Variants in VTCN1 observed in about 807,000 individuals in gnomAD.
VTCN1 encodes the protein V-set domain-containing T-cell activation inhibitor 1.
In VTCN1, 26 loss-of-function variants were observed where a neutral mutation model predicts 26.5. The ratio of observed to expected loss-of-function variants is 0.98; its 90% CI spans 0.72 to 1.36. The LOEUF (loss-of-function observed/expected upper bound fraction) is 1.36. Ranked by LOEUF, VTCN1 falls within the 40% of genes most tolerant of loss-of-function variation. The probability of loss-of-function intolerance (pLI) is 0.00; values close to 1 mark genes in which losing one functional copy is unlikely to be tolerated. For missense variants in VTCN1, 298 were observed against 337.7 expected, an observed-to-expected ratio of 0.88 and a Z score of 0.92; for synonymous variants, 116 against 130.7, an observed-to-expected ratio of 0.89 and a Z score of 0.77.
In VTCN1 at chr1:117,162,503, T is replaced by C. The variant is rs1445607241; in HGVS notation, c.98-5582A>G. Among the ~76,000 whole-genome samples the C allele has an allele frequency of 2.0e-5, 3 of 152,238 alleles. No homozygotes were observed. In the South Asian group the frequency reaches 6.2e-4, roughly 32 times the overall value. On this transcript the variant is annotated intron_variant, in intron 2 of 5. Coordinates refer to ENST00000369458, the MANE Select transcript of VTCN1 (RefSeq NM_024626.4). Reference sequence around the variant, plus strand: ...CCACCAGAGATTCTTGTGTGACTTGTTGAGTCAAAGGACAAAAGGACCCCA... The same window carrying C: ...CCACCAGAGATTCTTGTGTGACTTGCTGAGTCAAAGGACAAAAGGACCCCA...
intron 1 of VTCN1, among the ~76,000 whole-genome samples, chr1:117,174,545 T>C (rs1051409856): frequency 6.6e-6 from 1 of 152,166 alleles, no homozygotes; most frequent in Non-Finnish European, 1.5e-5. Context: ...GGCGGGCGGA[T>C]TACCTGAGGT....
At chr1:117,157,102 T>TAG in intron 2 of VTCN1, 181 bp from the exon 3 acceptor site, 1 of 679,854 alleles carries the variant, frequency 1.5e-6, no homozygotes, top group Admixed American at 2.9e-5. Context: ...GATATATATA[T>TAG]ATATATATAT....
intron 1 of VTCN1, among the ~76,000 whole-genome samples, chr1:117,189,344 G>GAACTCGT (rs1648123461): frequency 6.6e-6 from 1 of 152,112 alleles, no homozygotes; most frequent in East Asian, 1.9e-4. Flanking sequence ...TTACTCCATT[G>GAACTCGT]AACTCGTAAT....
In VTCN1 at chr1:117,159,901, A is replaced by G. The variant is rs1313023373; in HGVS notation, c.98-2980T>C. On this transcript the variant is annotated intron_variant, in intron 2 of 5. Coordinates refer to ENST00000369458, the MANE Select transcript of VTCN1 (RefSeq NM_024626.4). The surrounding 1 kb of genome is among the most constrained non-coding windows in gnomAD (Gnocchi z 4.7). The stretch of plus-strand genomic sequence containing the variant: ...CCACCCTCTCCTCTACTGACATACC[A>G]CCAGTAGAAATATTAATTATGTGCC... Among the ~76,000 whole-genome samples the G allele has an allele frequency of 6.6e-6, 1 of 152,146 alleles. No homozygotes were observed. The highest frequency in any genetic ancestry group is 1.5e-5 in the Non-Finnish European group (1 of 68,032).
rs149318479 is a variant in VTCN1, at chr1:117,161,236, C to T, written c.98-4315G>A. On this transcript the variant is annotated intron_variant, in intron 2 of 5. Transcript: ENST00000369458. This position sits in a 1 kb window ranked among gnomAD's most constrained non-coding sequence, Gnocchi z 4.3. The stretch of plus-strand genomic sequence containing the variant: ...GTTACTTAGAGAATGATATCCAAGG[C>T]ATCCCAGGCTAGCATGGGTTACACA... Among the ~76,000 whole-genome samples, 41 of 152,362 alleles carry T rather than the reference C, an allele frequency of 2.7e-4. No individual in the cohort carries two copies. Among genetic ancestry groups the T allele is most frequent in the African/African-American group, 9.1e-4 (38 of 41,588 alleles).
At chr1:117,210,562 G>A (rs1649299805) in intron 1 of VTCN1, among the ~76,000 whole-genome samples, 1 of 152,162 alleles carries the variant, frequency 6.6e-6, no homozygotes, top group African/African-American at 2.4e-5. Flanking sequence ...AGTCCAAGCT[G>A]CCCAGCAAGC....
At chr1:117,170,236 C>T in intron 1 of VTCN1, 65 bp from the exon 2 acceptor site, 1 of 1,451,496 alleles carries the variant, frequency 6.9e-7, no homozygotes, top group Non-Finnish European at 9.6e-7. Context: ...TGCTTTGCAA[C>T]TGGGGTACAA....
At chr1:117,200,062 G>C (rs968566907) in intron 1 of VTCN1, among the ~76,000 whole-genome samples, 1 of 152,138 alleles carries the variant, frequency 6.6e-6, no homozygotes, top group Admixed American at 6.5e-5. Flanking sequence ...ATTCACAGTT[G>C]GGCTTTAAAA....
intron 1 of VTCN1, among the ~76,000 whole-genome samples, chr1:117,178,259 C>CT (rs1194911017): frequency 0.043 from 4,694 of 108,262 alleles, 407 homozygotes; most frequent in African/African-American, 0.15. Context: ...TCTTTTTTTT[C>CT]TTTTTTTTTT....
At position 117,179,856 on chromosome 1, in the gene VTCN1, C is replaced by T. The variant is rs1401117605; in HGVS notation, c.33-9685G>A. Among the ~76,000 whole-genome samples the T allele has an allele frequency of 3.3e-5, 5 of 152,112 alleles. No individual in the cohort carries two copies. The South Asian group carries it at 8.3e-4, about 25-fold the overall frequency. ...GACCTACGGAGATAGATACTATTAT[C>T]TTTGTTTTATAGATGAGGAAGCTGA... is the stretch of plus-strand genomic sequence containing the variant. On this transcript the variant is annotated intron_variant, in intron 1 of 5. Transcript: ENST00000369458.
chr1:117,210,742 A>G, intron 1 of VTCN1, 82 bp downstream of exon 1: 3 of 1,458,986 alleles, frequency 2.1e-6, no homozygotes, highest in Non-Finnish European at 2.9e-6. Flanking sequence ...CCTATGGGAC[A>G]GCCCAGCAGT....
At chr1:117,168,551 A>G (rs1238218104) in intron 2 of VTCN1, among the ~76,000 whole-genome samples, 1 of 152,236 alleles carries the variant, frequency 6.6e-6, no homozygotes, top group East Asian at 1.9e-4. Flanking sequence ...AAAGAAAAGG[A>G]TCAATAAAAA....
At chr1:117,168,875 G>A (rs185372495) in intron 2 of VTCN1, among the ~76,000 whole-genome samples, 4 of 152,218 alleles carry the variant, frequency 2.6e-5, no homozygotes, top group African/African-American at 7.2e-5. Context: ...GATTATAGGC[G>A]TGAACCACCA....
chr1:117,170,380 T>A (rs1379971113), intron 1 of VTCN1: 21 of 656,972 alleles, frequency 3.2e-5, no homozygotes, highest in Non-Finnish European at 5.7e-5. Context: ...CTGGGATCAA[T>A]GAAAAGAGTG....
Position 117,166,474 on chromosome 1 carries a change from G to A in VTCN1, c.97+3633C>T, listed in dbSNP as rs527953994. ...TATAATTAACAGTTAAGCCTTAGTG[G>A]CCTGGCGCGGTGGCTCACACCTGTA... On this transcript the variant is annotated intron_variant, in intron 2 of 5. Transcript: ENST00000369458. Among the ~76,000 whole-genome samples the A allele has an allele frequency of 2.6e-5, 4 of 152,056 alleles. No homozygotes were observed. In the South Asian group the frequency reaches 6.2e-4, roughly 24 times the overall value.
chr1:117,149,032 T>A (rs1196452380), intron 4 of VTCN1, among the ~76,000 whole-genome samples: 1 of 152,134 alleles, frequency 6.6e-6, no homozygotes, highest in South Asian at 2.1e-4. Context: ...ATCAATCAGA[T>A]AAATTAATTC....
intron 1 of VTCN1, among the ~76,000 whole-genome samples, chr1:117,202,597 T>C (rs1648842816): frequency 6.6e-6 from 1 of 152,226 alleles, no homozygotes. Flanking sequence ...GAAATAAGAA[T>C]ATGCTGCTAA....
chr1:117,162,467 A>G (rs1306917113), intron 2 of VTCN1, among the ~76,000 whole-genome samples: 2 of 152,072 alleles, frequency 1.3e-5, no homozygotes, highest in African/African-American at 4.8e-5. Context: ...TTTTGGAGAC[A>G]GAGACTCACT....
chr1:117,146,782 G>A lies in VTCN1; in HGVS notation c.*45+831C>T, dbSNP rs1400667355. On this transcript the variant is annotated intron_variant, in intron 5 of 5. Coordinates refer to ENST00000369458, the MANE Select transcript of VTCN1 (RefSeq NM_024626.4). The surrounding 1 kb of genome is among the most constrained non-coding windows in gnomAD (Gnocchi z 4.2). ...CACTTTAGGCTCTGGAGCAAAGGAA[G>A]GCTATGATGAAATCGTGTTTCAGAA... Among the ~76,000 whole-genome samples, 1 of 152,164 alleles carries A rather than the reference G, an allele frequency of 6.6e-6. No homozygotes were observed. The highest frequency in any genetic ancestry group is 1.5e-5 in the Non-Finnish European group (1 of 68,024).
Sources: gnomAD v4.1 joint callset for allele counts (sites outside exome capture counted in the v4.1 genomes callset) on GRCh38, gnomAD v4.1.1 for gene constraint, Gnocchi (gnomAD v3.1) non-coding constraint, MANE v1.5 for transcripts, NCBI Gene and HGNC (gene_info 2026-07-23, HGNC 2026-07-21) for gene names.